Variants in BRCA2 observed in about 807,000 individuals in gnomAD.
BRCA2 encodes BRCA2 DNA repair associated, also known as breast cancer type 2 susceptibility protein.
Under a neutral mutation model 276.7 loss-of-function variants are expected in BRCA2, and 203 were observed. The observed-to-expected ratio is 0.73, with a 90% CI of 0.65 to 0.82. BRCA2 has a LOEUF of 0.82. Ranked by LOEUF, BRCA2 falls within the 40% of genes least tolerant of loss-of-function variation. The pLI, the probability that BRCA2 is intolerant of heterozygous loss-of-function variation, is 0.00. For synonymous variants in BRCA2, 1,289 were observed against 1,338.4 expected (o/e 0.96, Z 0.81); for missense variants, 3,920 against 3,915.0 (o/e 1.00, Z -0.03).
rs2137625048 is a variant in BRCA2 at position 32,380,063 on chromosome 13, C to A, written c.9174C>A (p.Ser3058Arg). ...AGCCACGGGAGCCCCTTCACTTCAG[C>A]AAATTTTTAGATCCAGACTTTCAGC... ...IYQPREPLHF[S>R]KFLDPDFQPS... is the part of the protein sequence containing the mutation. The change falls in exon 24 of 27, where the codon AGC becomes AGA. Residue 3058 changes from serine to arginine, a missense_variant. Ser to Arg is a moderately radical substitution (Grantham distance 110). Transcript: ENST00000380152. The A allele has an allele frequency of 6.2e-7, 1 of 1,614,032 alleles. No individual in the cohort carries two copies. The highest frequency in any genetic ancestry group is 8.5e-7 in the Non-Finnish European group (1 of 1,179,950).
At chr13:32,323,890 T>C (rs2072324358) in intron 3 of BRCA2, among the ~76,000 whole-genome samples, 1 of 152,208 alleles carries the variant, frequency 6.6e-6, no homozygotes. Context: ...AATAGAAATA[T>C]TGAAAAACTG....
At chr13:32,368,216 T>A (rs2072799308) in intron 18 of BRCA2, among the ~76,000 whole-genome samples, 1 of 151,754 alleles carries the variant, frequency 6.6e-6, no homozygotes, top group Non-Finnish European at 1.5e-5. Context: ...GAGACAGGGC[T>A]TCACTATGTT....
In BRCA2 at chr13:32,331,003, ACAAAT is replaced by A. The variant is rs80359671; in HGVS notation, c.771_775del (p.Asn257LysfsTer17). ...CGCTTCTGTGACAGACAGTGAAAAC[ACAAAT>A]CAAAGAGAAGCTGCAAGTCATGGTA... On this transcript the variant is annotated frameshift_variant, in exon 9 of 27. Coordinates refer to ENST00000380152, the MANE Select transcript of BRCA2 (RefSeq NM_000059.4). LOFTEE classifies it high-confidence loss of function. 14 of 1,612,574 alleles carry A rather than the reference ACAAAT, an allele frequency of 8.7e-6. No individual in the cohort carries two copies. The highest frequency in any genetic ancestry group is 3.3e-5 in the Admixed American group (2 of 59,982).
rs556893517 is a variant in BRCA2 at position 32,340,256 on chromosome 13, G to A, written c.5901G>A (p.Lys1967=). ...ICKCSIGKLH[K]SVSSANTCGI... is the part of the protein sequence containing the mutation. ...AATGTAGTATAGGGAAGCTTCATAA[G>A]TCAGTCTCATCTGCAAATACTTGTG... is the stretch of plus-strand genomic sequence containing the variant. Residue 1967 remains lysine (K), a synonymous_variant, in exon 11 of 27, where the codon AAG becomes AAA. Transcript: ENST00000380152. 2.4e-5 allele frequency: 39 copies of A among 1,614,004 alleles called. No individual in the cohort carries two copies. In the South Asian group the frequency reaches 4.0e-4, roughly 16 times the overall value.
chr13:32,359,136 C>A (rs1287589039), intron 16 of BRCA2, among the ~76,000 whole-genome samples: 1 of 146,732 alleles, frequency 6.8e-6, no homozygotes, highest in African/African-American at 2.5e-5. Context: ...GCAGGAAAAT[C>A]GTTTGAACCC....
At chr13:32,365,434 G>C (rs983179435) in intron 18 of BRCA2, among the ~76,000 whole-genome samples, 11 of 152,230 alleles carry the variant, frequency 7.2e-5, no homozygotes, top group Middle Eastern at 3.4e-3. Context: ...AGGCTGGAGT[G>C]CAATGGCGTG....
chr13:32,375,829 G>T (rs1039230356), intron 20 of BRCA2, among the ~76,000 whole-genome samples: 4 of 151,000 alleles, frequency 2.6e-5, no homozygotes, highest in African/African-American at 9.7e-5. Flanking sequence ...CAAAGTGCTG[G>T]GATTACAGGT....
chr13:32,343,603 A>T (rs2072589149), intron 11 of BRCA2, among the ~76,000 whole-genome samples: 1 of 152,260 alleles, frequency 6.6e-6, no homozygotes, highest in East Asian at 1.9e-4. Flanking sequence ...TCTGAGGTAT[A>T]TATGCTTAAA....
At chr13:32,350,908 C>G (rs1436530341) in intron 13 of BRCA2, among the ~76,000 whole-genome samples, 1 of 152,054 alleles carries the variant, frequency 6.6e-6, no homozygotes, top group African/African-American at 2.4e-5. Context: ...ACTTGGAGAA[C>G]TTTTCTGTCC....
rs2137453124 is a variant in BRCA2, at chr13:32,326,624, C to G, written c.631+11C>G. On this transcript the variant is annotated intron_variant, in intron 7 of 26. Transcript: ENST00000380152. The stretch of plus-strand genomic sequence containing the variant: ...CTACTGTGCTCATAGGTAATAATAG[C>G]AAATGTGTATTTACAAGAAAGAGCA... 6.4e-7 allele frequency: 1 copy of G among 1,552,968 alleles called. No homozygotes were observed. Among genetic ancestry groups the G allele is most frequent in the Non-Finnish European group, 8.9e-7 (1 of 1,126,076 alleles).
intron 8 of BRCA2, among the ~76,000 whole-genome samples, chr13:32,330,661 T>C (rs1303638205): frequency 6.6e-6 from 1 of 152,172 alleles, no homozygotes; most frequent in Non-Finnish European, 1.5e-5. Flanking sequence ...TGCAAGTTTT[T>C]TTTTCTCCAT....
At chr13:32,322,390 T>A (rs572079410) in intron 3 of BRCA2, among the ~76,000 whole-genome samples, 1 of 152,300 alleles carries the variant, frequency 6.6e-6, no homozygotes, top group Admixed American at 6.5e-5. Context: ...TCTCACAGCC[T>A]TTTGACAGCA....
chr13:32,333,394 CTG>C lies in BRCA2; in HGVS notation c.1909+9_1909+10del, dbSNP rs527732001. 2.5e-4 allele frequency: 398 copies of C among 1,606,924 alleles called. No individual in the cohort carries two copies. In the African/African-American group the frequency reaches 4.9e-3, roughly 20 times the overall value. On this transcript the variant is annotated splice_region_variant and intron_variant, in intron 10 of 26. Coordinates refer to ENST00000380152, the MANE Select transcript of BRCA2 (RefSeq NM_000059.4). ...TTTGCAAATGCTGATTCAGGTACCT[CTG>C]TCTTTTTTTTTTTGTAAATAGTACA...
chr13:32,374,915 C>G (rs1251609693), intron 20 of BRCA2, among the ~76,000 whole-genome samples: 1 of 152,152 alleles, frequency 6.6e-6, no homozygotes, highest in Non-Finnish European at 1.5e-5. Context: ...TAAAAAATAC[C>G]TGAGACTGGG....
rs1799968 is a variant in BRCA2, at chr13:32,394,843, T to G, written c.9411T>G (p.Thr3137=). The G allele has an allele frequency of 2.3e-4, 373 of 1,613,996 alleles. No homozygotes were observed. Among genetic ancestry groups the G allele is most frequent in the Non-Finnish European group, 5.9e-5 (70 of 1,179,986 alleles). The change falls in exon 25 of 27, where the codon ACT becomes ACG. Residue 3137 remains threonine, a synonymous_variant. Coordinates refer to ENST00000380152, the MANE Select transcript of BRCA2 (RefSeq NM_000059.4). ...CAGAATCCAAATCAGGCCTTCTTAC[T>G]TTATTTGCTGGAGATTTTTCTGTGT... The part of the protein sequence containing the change: ...WRPESKSGLL[T]LFAGDFSVFS...
intron 13 of BRCA2, among the ~76,000 whole-genome samples, chr13:32,351,422 C>A (rs184938523): frequency 6.6e-6 from 1 of 152,346 alleles, no homozygotes; most frequent in African/African-American, 2.4e-5. Flanking sequence ...TCAGGAAGAA[C>A]AAACTCGGGA....
chr13:32,359,809 G>A (rs1489214001), intron 16 of BRCA2, among the ~76,000 whole-genome samples: 1 of 152,302 alleles, frequency 6.6e-6, no homozygotes, highest in Non-Finnish European at 1.5e-5. Context: ...GAAATGTGGA[G>A]GCTTTCGTTA....
In BRCA2 at chr13:32,338,214, A is replaced by T. The variant is rs1566229283; in HGVS notation, c.3859A>T (p.Asn1287Tyr). 1 of 1,544,474 alleles carries T rather than the reference A, an allele frequency of 6.5e-7. No homozygotes were observed. The highest frequency in any genetic ancestry group is 8.7e-7 in the Non-Finnish European group (1 of 1,144,082). The change falls in exon 11 of 27, where the codon AAT (asparagine) becomes TAT (tyrosine). Residue 1287 changes from asparagine (N) to tyrosine (Y), a missense_variant. This residue lies in a region of BRCA2 where 3,263 missense variants were observed against 3,156.9 expected (regional missense o/e 1.03). Coordinates refer to ENST00000380152, the MANE Select transcript of BRCA2 (RefSeq NM_000059.4). Reference sequence around the variant, plus strand: ...TAATGATAAAACTGTAAGTGAAAAAAATAATAAATGCCAACTGATATTACA... The same window carrying T: ...TAATGATAAAACTGTAAGTGAAAAATATAATAAATGCCAACTGATATTACA... ...NHNDKTVSEK[N>Y]NKCQLILQNN...
chr13:32,336,488 C>T lies in BRCA2; in HGVS notation c.2133C>T (p.Cys711=), dbSNP rs535547513. 21 of 1,613,994 alleles carry T rather than the reference C, an allele frequency of 1.3e-5. No individual in the cohort carries two copies. The East Asian group carries it at 4.5e-4, about 34-fold the overall frequency. ...FITPEADSLS[C]LQEGQCENDP... ...CCCCAGAAGCTGATTCTCTGTCATG[C>T]CTGCAGGAAGGACAGTGTGAAAATG... The change falls in exon 11 of 27, where the codon TGC becomes TGT. Residue 711 remains cysteine (C), a synonymous_variant. Transcript: ENST00000380152.
Sources: allele counts gnomAD v4.1 joint callset (sites outside exome capture counted in the v4.1 genomes callset), GRCh38; gene constraint gnomAD v4.1.1; regional missense constraint gnomAD v4.1.1; transcripts MANE v1.5; gene names NCBI Gene and HGNC (gene_info 2026-07-23, HGNC 2026-07-21).